Variants in EDIL3 observed in about 807,000 individuals in gnomAD.
EDIL3 encodes EGF-like repeat and discoidin I-like domain-containing protein 3.
EDIL3 carries 37 observed loss-of-function variants against 67.4 expected under a neutral mutation model. The ratio of observed to expected loss-of-function variants is 0.55; its 90% confidence interval spans 0.42 to 0.72. EDIL3 has a LOEUF of 0.72. Among genes scored for constraint, EDIL3 ranks in the 30% least tolerant of loss-of-function variants. The probability of loss-of-function intolerance (pLI) is 0.00; values close to 1 mark genes in which losing one functional copy is unlikely to be tolerated. For synonymous variants in EDIL3, 195 were observed against 196.3 expected (o/e 0.99, Z 0.05); for missense variants, 527 against 586.3 (o/e 0.90, Z 1.04).
intron 3 of EDIL3, among the ~76,000 whole-genome samples, chr5:84,219,230 A>G (rs907740072): frequency 2.6e-5 from 4 of 152,210 alleles, no homozygotes; most frequent in African/African-American, 4.8e-5. Flanking sequence ...ATATTATCCA[A>G]GACCATACAA....
intron 3 of EDIL3, among the ~76,000 whole-genome samples, chr5:84,208,426 T>A (rs562512757): frequency 1.3e-5 from 2 of 151,764 alleles, no homozygotes; most frequent in Admixed American, 6.6e-5. Context: ...ACGCCTGTAA[T>A]CCCAGCACTT....
At chr5:83,963,071 T>C in intron 10 of EDIL3, 134 bp downstream of exon 10, 1 of 1,204,156 alleles carries the variant, frequency 8.3e-7, no homozygotes, top group Non-Finnish European at 1.1e-6. Flanking sequence ...CTTTAAAGCT[T>C]TTTATTTAAC....
chr5:84,283,190 C>T (rs16901039), intron 1 of EDIL3, among the ~76,000 whole-genome samples: 21,284 of 151,944 alleles, frequency 0.14, 1,582 homozygotes, highest in Non-Finnish European at 0.15. Context: ...AGCAAGGCTA[C>T]GGTTTATTCC....
intron 1 of EDIL3, among the ~76,000 whole-genome samples, chr5:84,301,040 C>T (rs1174320946): frequency 6.6e-6 from 1 of 152,066 alleles, no homozygotes; most frequent in East Asian, 1.9e-4. Context: ...GTGGCTGAGG[C>T]AGGTGGATCA....
intron 6 of EDIL3, among the ~76,000 whole-genome samples, chr5:84,100,952 C>T (rs1561431625): frequency 1.3e-5 from 2 of 150,864 alleles, no homozygotes; most frequent in African/African-American, 4.9e-5. Flanking sequence ...TTTCTTTCGC[C>T]AAAAAAAATT....
chr5:84,119,807 G>C (rs1747738653), intron 5 of EDIL3, among the ~76,000 whole-genome samples: 1 of 151,890 alleles, frequency 6.6e-6, no homozygotes, highest in South Asian at 2.1e-4. Flanking sequence ...CTCATTTCTT[G>C]AATTCCACAA....
intron 10 of EDIL3, among the ~76,000 whole-genome samples, chr5:83,958,420 C>T (rs62364164): frequency 0.013 from 1,991 of 151,524 alleles, 21 homozygotes; most frequent in Middle Eastern, 0.027. Flanking sequence ...ACGTGTGATT[C>T]CTCTTTAAGG....
chr5:84,068,352 A>G (rs1746679367), intron 6 of EDIL3, among the ~76,000 whole-genome samples: 2 of 152,072 alleles, frequency 1.3e-5, no homozygotes, highest in Non-Finnish European at 2.9e-5. Context: ...TTCACATCTG[A>G]TGTTGCTGAA....
chr5:84,286,091 TA>T (rs1205160579), intron 1 of EDIL3, among the ~76,000 whole-genome samples: 21 of 152,308 alleles, frequency 1.4e-4, no homozygotes, highest in African/African-American at 4.8e-4. Context: ...GCTCTAGGCT[TA>T]CAGTGAACTC....
chr5:83,983,152 G>A (rs907288827), intron 9 of EDIL3, among the ~76,000 whole-genome samples: 1 of 152,080 alleles, frequency 6.6e-6, no homozygotes. Flanking sequence ...TGCTCCCAAC[G>A]ATCAGTTTAT....
chr5:84,158,647 C>A (rs1463736138), intron 4 of EDIL3, among the ~76,000 whole-genome samples: 5 of 151,932 alleles, frequency 3.3e-5, no homozygotes, highest in African/African-American at 9.7e-5. Flanking sequence ...ACTACTTATC[C>A]CTCAATTACA....
intron 1 of EDIL3, among the ~76,000 whole-genome samples, chr5:84,335,173 C>T (rs912169153): frequency 6.6e-6 from 1 of 152,102 alleles, no homozygotes. Flanking sequence ...CCCGGCTGAA[C>T]CACCATATGT....
chr5:84,039,921 T>C (rs1746089145), intron 9 of EDIL3, among the ~76,000 whole-genome samples: 1 of 152,118 alleles, frequency 6.6e-6, no homozygotes. Flanking sequence ...AAATGCTATA[T>C]ACAGTTTTAC....
chr5:84,278,559 A>G (rs1745633381), intron 1 of EDIL3, among the ~76,000 whole-genome samples: 1 of 152,194 alleles, frequency 6.6e-6, no homozygotes, highest in African/African-American at 2.4e-5. Context: ...ATATTATATC[A>G]GGTATAGAAA....
intron 1 of EDIL3, among the ~76,000 whole-genome samples, chr5:84,382,334 T>G (rs948970841): frequency 6.6e-6 from 1 of 152,152 alleles, no homozygotes; most frequent in Admixed American, 6.5e-5. Context: ...GCGGGTATCT[T>G]CAGGAGACAG....
intron 10 of EDIL3, among the ~76,000 whole-genome samples, chr5:83,957,032 C>T (rs1264623727): frequency 6.6e-6 from 1 of 151,674 alleles, no homozygotes; most frequent in Non-Finnish European, 1.5e-5. Context: ...CATGTAGGGG[C>T]ACACTTCACT....
intron 1 of EDIL3, among the ~76,000 whole-genome samples, chr5:84,352,069 A>G (rs1055422738): frequency 3.9e-5 from 6 of 152,164 alleles, no homozygotes; most frequent in African/African-American, 1.4e-4. Flanking sequence ...AGAAATGCAA[A>G]TTAAAACCAT....
chr5:84,108,457 T>A (rs895309416), intron 5 of EDIL3, among the ~76,000 whole-genome samples: 3 of 152,116 alleles, frequency 2.0e-5, no homozygotes, highest in Non-Finnish European at 4.4e-5. Context: ...GCTTAGCACT[T>A]TATGAAAGTA....
At chr5:83,949,753 A>G (rs555595279) in intron 10 of EDIL3, among the ~76,000 whole-genome samples, 1 of 151,956 alleles carries the variant, frequency 6.6e-6, no homozygotes, top group East Asian at 2.0e-4. Flanking sequence ...ACCGTGTGTA[A>G]TACGAGTGTG....
Sources: allele counts gnomAD v4.1 joint callset (sites outside exome capture counted in the v4.1 genomes callset), GRCh38; gene constraint gnomAD v4.1.1; transcripts MANE v1.5; gene names NCBI Gene and HGNC (gene_info 2026-07-23, HGNC 2026-07-21).